KRT12: variants seen among roughly 807,000 people sequenced by gnomAD.
KRT12 encodes keratin 12, also known as keratin, type I cytoskeletal 12.
A neutral mutation model predicts 50.2 loss-of-function variants in KRT12; 43 were observed. The ratio of observed to expected loss-of-function variants is 0.86; its 90% CI spans 0.67 to 1.11. The LOEUF is 1.11. Ranked by LOEUF, KRT12 falls within the 50% of genes least tolerant of loss-of-function variation. The probability of loss-of-function intolerance (pLI) is 0.00; values close to 1 mark genes in which losing one functional copy is unlikely to be tolerated. For missense variants in KRT12, 588 were observed against 625.6 expected (o/e 0.94, Z 0.64); for synonymous variants, 257 against 253.6 (o/e 1.01, Z -0.13).
chr17:40,861,614 A>G lies in KRT12; in HGVS notation c.*47T>C. 8.6e-7 allele frequency: 1 copy of G among 1,162,918 alleles called. No homozygotes were observed. The highest frequency in any genetic ancestry group is 1.3e-6 in the Non-Finnish European group (1 of 768,272). The allele number at this position is 1,162,918 out of a possible 1,614,324, so 72.0% of individuals were successfully genotyped here. A position where few individuals can be genotyped will look rare whatever the true frequency, so the allele number is the denominator to read the frequency against. On this transcript the variant is annotated 3_prime_UTR_variant, in exon 8 of 8. Coordinates refer to ENST00000251643, the MANE Select transcript of KRT12 (RefSeq NM_000223.4). The stretch of plus-strand genomic sequence containing the variant: ...TGAAAGGAATAATTTCTACTTGTAA[A>G]TTTCTTGTTCCTAAGGAACCAATCA...
rs745499269 is a variant in KRT12, at chr17:40,861,775, A to T, written c.1388-17T>A. 1 of 1,510,442 alleles carries T rather than the reference A, an allele frequency of 6.6e-7. No homozygotes were observed. The highest frequency in any genetic ancestry group is 1.1e-5 in the South Asian group (1 of 88,906). The allele number at this position is 1,510,442 out of a possible 1,614,324, so 93.6% of individuals were successfully genotyped here. A position where few individuals can be genotyped will look rare whatever the true frequency, so the allele number is the denominator to read the frequency against. ...TGGTTGGGTCTAAAGATAAAAATGG[A>T]ATAAGGGGGCAAGAGTTAGTGTTTC... On this transcript the variant is annotated splice_polypyrimidine_tract_variant and intron_variant, in intron 7 of 7. Coordinates refer to ENST00000251643, the MANE Select transcript of KRT12 (RefSeq NM_000223.4).
chr17:40,863,987 C>CACACAT lies in KRT12; in HGVS notation c.808-124_808-123insATGTGT. On this transcript the variant is annotated intron_variant, in intron 3 of 7. Coordinates refer to ENST00000251643, the MANE Select transcript of KRT12 (RefSeq NM_000223.4). This position sits in a 1 kb window ranked among gnomAD's most constrained non-coding sequence, Gnocchi z 4.2. ...ACACACACACACACACACACACACA[C>CACACAT]ACACTTAAAAATTCTATCTTATGAC... 1.5e-6 allele frequency: 1 copy of CACACAT among 647,414 alleles called. No individual in the cohort carries two copies. The highest frequency in any genetic ancestry group is 2.6e-6 in the Non-Finnish European group (1 of 385,626). 40.1% of individuals were successfully genotyped at this position (647,414 alleles called of 1,614,324 possible).
chr17:40,863,199 G>T lies in KRT12; in HGVS notation c.1240C>A (p.Arg414=), dbSNP rs1293477110. 2 of 1,614,104 alleles carry T rather than the reference G, an allele frequency of 1.2e-6. No homozygotes were observed. The highest frequency in any genetic ancestry group is 1.1e-5 in the South Asian group (1 of 91,088). The change falls in exon 6 of 8, where the codon CGG becomes AGG. Residue 414 remains arginine, a synonymous_variant. Coordinates refer to ENST00000251643, the MANE Select transcript of KRT12 (RefSeq NM_000223.4). This position sits in a 1 kb window ranked among gnomAD's most constrained non-coding sequence, Gnocchi z 4.2. ...DAERQNVDHQ[R]LLNVKARLEL... The stretch of plus-strand genomic sequence containing the variant: ...AGGCGGGCCTTGACATTCAGCAGCC[G>T]CTGGTGGTCCACGTTCTGGCGCTCT...
rs993959933 is a variant in KRT12 at position 40,861,501 on chromosome 17, A to G, written c.*160T>C. 1 of 640,076 alleles carries G rather than the reference A, an allele frequency of 1.6e-6. No individual in the cohort carries two copies. Among genetic ancestry groups the G allele is most frequent in the East Asian group, 2.7e-5 (1 of 36,438 alleles). 39.6% of individuals were successfully genotyped at this position (640,076 alleles called of 1,614,324 possible). A position where few individuals can be genotyped will look rare whatever the true frequency, so the allele number is the denominator to read the frequency against. The stretch of plus-strand genomic sequence containing the variant: ...GACTTGTGACTGAATATTGTTTCAG[A>G]AGGGCAAAAAGGATTCAATGTGAAT... On this transcript the variant is annotated 3_prime_UTR_variant, in exon 8 of 8. Coordinates refer to ENST00000251643, the MANE Select transcript of KRT12 (RefSeq NM_000223.4).
In KRT12 at chr17:40,863,133, C is replaced by T; in HGVS notation, c.1306G>A (p.Glu436Lys). The T allele has an allele frequency of 1.2e-6, 2 of 1,614,068 alleles. No homozygotes were observed. Among genetic ancestry groups the T allele is most frequent in the Non-Finnish European group, 1.7e-6 (2 of 1,179,936 alleles). The change falls in exon 6 of 8, where the codon GAG (glutamate) becomes AAG (lysine). Residue 436 changes from glutamate (E) to lysine (K), a missense_variant. Glu to Lys is a moderately conservative substitution (Grantham distance 56, BLOSUM62 1). Transcript: ENST00000251643. The surrounding 1 kb of genome is among the most constrained non-coding windows in gnomAD (Gnocchi z 4.2). ...IETYRRLLDGEAQGDGLEESL... is the reference protein window; with the variant it reads ...IETYRRLLDGKAQGDGLEESL... ...CCGTTGTCTGCTCACCCTTGGGCCTCCCCGTCCAGCAGGCGGCGGTAGGTC... is the reference window on the plus strand; with the variant it reads ...CCGTTGTCTGCTCACCCTTGGGCCTTCCCGTCCAGCAGGCGGCGGTAGGTC...
chr17:40,861,756 G>C lies in KRT12; in HGVS notation c.1390C>G (p.Pro464Ala). The C allele has an allele frequency of 1.9e-6, 3 of 1,607,438 alleles. No homozygotes were observed. Among genetic ancestry groups the C allele is most frequent in the Non-Finnish European group, 1.7e-6 (2 of 1,173,982 alleles). ...GTCTTGATTTTTCGGGTTTTGGTTG[G>C]GTCTAAAGATAAAAATGGAATAAGG... ...QAQSTDSSKDPTKTRKIKTVV... is the reference protein window; with the variant it reads ...QAQSTDSSKDATKTRKIKTVV... Residue 464 changes from proline to alanine, a missense_variant and splice_region_variant, in exon 8 of 8, where the codon CCA becomes GCA. Physicochemically the swap from Pro to Ala is conservative, Grantham distance 27 (BLOSUM62 -1). Transcript: ENST00000251643.
intron 3 of KRT12, among the ~76,000 whole-genome samples, 198 bp downstream of exon 3, chr17:40,864,608 C>G (rs1045016518): frequency 2.0e-5 from 3 of 152,030 alleles, no homozygotes; most frequent in Admixed American, 2.0e-4. Context: ...ACCACCATCA[C>G]TACTACCAAC....
Position 40,863,372 on chromosome 17 carries a change from A to G in KRT12, c.1096-29T>C, listed in dbSNP as rs775254209. ...CACGTGGGAGGGAAATGGCATAGAA[A>G]TAACGATGGAGGGGACCGAAAAGAG... On this transcript the variant is annotated intron_variant, in intron 5 of 7. Transcript: ENST00000251643. The surrounding 1 kb of genome is among the most constrained non-coding windows in gnomAD (Gnocchi z 4.2). 7 of 1,613,656 alleles carry G rather than the reference A, an allele frequency of 4.3e-6. No individual in the cohort carries two copies. Among genetic ancestry groups the G allele is most frequent in the Non-Finnish European group, 5.9e-6 (7 of 1,179,676 alleles).
rs141949869 is a variant in KRT12, at chr17:40,867,027, C to G, written c.160G>C (p.Gly54Arg). ...ATGGAAGCAGCAGAAAAGCCTCCCCCACAGCTGGCTCCAAAGCCAAAGGCA... is the reference window on the plus strand; with the variant it reads ...ATGGAAGCAGCAGAAAAGCCTCCCCGACAGCTGGCTCCAAAGCCAAAGGCA... ...GSAFGFGASC[G>R]GGFSAASMFG... The change falls in exon 1 of 8, where the codon GGG becomes CGG. Residue 54 changes from glycine to arginine, a missense_variant. By Grantham distance (125) the Gly-to-Arg change is moderately radical (BLOSUM62 -2). Coordinates refer to ENST00000251643, the MANE Select transcript of KRT12 (RefSeq NM_000223.4). 79 of 1,601,748 alleles carry G rather than the reference C, an allele frequency of 4.9e-5. No individual in the cohort carries two copies. The African/African-American group carries it at 5.0e-4, about 10-fold the overall frequency.
intron 3 of KRT12, 95 bp downstream of exon 3, chr17:40,864,710 CT>C: frequency 7.8e-7 from 1 of 1,281,238 alleles, no homozygotes; most frequent in South Asian, 1.2e-5. Flanking sequence ...ATTCTCCATA[CT>C]TGTCCTGACT....
chr17:40,863,643 C>T lies in KRT12; in HGVS notation c.970-33G>A, dbSNP rs1428442310. On this transcript the variant is annotated intron_variant, in intron 4 of 7. Transcript: ENST00000251643. The surrounding 1 kb of genome is among the most constrained non-coding windows in gnomAD (Gnocchi z 4.2). ...AGCAAAGACAGCCAGGGGGCTCGAG[C>T]GCTGAGCTCGTTCGCAGGCCTTTCT... 6.2e-7 allele frequency: 1 copy of T among 1,614,218 alleles called. No homozygotes were observed. Among genetic ancestry groups the T allele is most frequent in the South Asian group, 1.1e-5 (1 of 91,090 alleles).
rs368164077 is a variant in KRT12, at chr17:40,867,148, G to A, written c.39C>T (p.Arg13=). The A allele has an allele frequency of 7.5e-6, 12 of 1,610,178 alleles. No homozygotes were observed. The highest frequency in any genetic ancestry group is 1.0e-5 in the Non-Finnish European group (12 of 1,180,014). The part of the protein sequence containing the change: ...LSNNTMSLSV[R]TPGLSRRLSS... ...AGAGCCGCCGGGACAGTCCGGGGGT[G>A]CGCACTGAGAGTGACATGGTGTTGT... The change falls in exon 1 of 8, where the codon CGC becomes CGT. Residue 13 remains arginine (R), a synonymous_variant. Coordinates refer to ENST00000251643, the MANE Select transcript of KRT12 (RefSeq NM_000223.4).
rs763574009 is a variant in KRT12 at position 40,864,867 on chromosome 17, A to AT, written c.745_746insA (p.Leu249HisfsTer22). ...GTTCAGGCTCTCGATCTGCATCTCC[A>AT]GGTCGGTCCTGGTCAGGGTCAGCTC... On this transcript the variant is annotated frameshift_variant, in exon 3 of 8. Transcript: ENST00000251643. LOFTEE classifies it high-confidence loss of function. The AT allele has an allele frequency of 6.2e-7, 1 of 1,614,090 alleles. No individual in the cohort carries two copies. The highest frequency in any genetic ancestry group is 1.1e-5 in the South Asian group (1 of 91,078).
In KRT12 at chr17:40,863,633, G is replaced by A. The variant is rs747289568; in HGVS notation, c.970-23C>T. On this transcript the variant is annotated intron_variant, in intron 4 of 7. Transcript: ENST00000251643. This position sits in a 1 kb window ranked among gnomAD's most constrained non-coding sequence, Gnocchi z 4.2. ...GCTCTGCAACAGCAAAGACAGCCAG[G>A]GGGCTCGAGCGCTGAGCTCGTTCGC... The A allele has an allele frequency of 3.1e-6, 5 of 1,614,094 alleles. No individual in the cohort carries two copies. The Admixed American group carries it at 5.0e-5, about 16-fold the overall frequency.
intron 3 of KRT12, among the ~76,000 whole-genome samples, chr17:40,864,148 A>G (rs1439137406): frequency 6.6e-6 from 1 of 152,200 alleles, no homozygotes; most frequent in Non-Finnish European, 1.5e-5. Flanking sequence ...CCCTGGGAGC[A>G]GTGCCTGCTG....
rs762303871 is a variant in KRT12, at chr17:40,863,090, T to A, written c.1316+33A>T. 1.3e-6 allele frequency: 2 copies of A among 1,588,348 alleles called. No individual in the cohort carries two copies. The highest frequency in any genetic ancestry group is 8.6e-7 in the Non-Finnish European group (1 of 1,156,564). On this transcript the variant is annotated intron_variant, in intron 6 of 7. Transcript: ENST00000251643. This position sits in a 1 kb window ranked among gnomAD's most constrained non-coding sequence, Gnocchi z 4.2. ...CTGCTGCCCACTCTTGGTCAGCCCC[T>A]GAAGGTGTTTACAGCCTCCGTTGTC...
Position 40,863,770 on chromosome 17 carries a change from A to T in KRT12, c.902T>A (p.Met301Lys). ...AGCGATGGTTTCATACTGCGCCCGCATATCATTGAGGAGCCTGGTGAGGTC... is the reference window on the plus strand; with the variant it reads ...AGCGATGGTTTCATACTGCGCCCGCTTATCATTGAGGAGCCTGGTGAGGTC... Reference protein sequence around the residue: ...GVDLTRLLNDMRAQYETIAEQ... With the variant: ...GVDLTRLLNDKRAQYETIAEQ... Residue 301 changes from methionine to lysine, a missense_variant, in exon 4 of 8, where the codon ATG becomes AAG. Met to Lys is a moderately conservative substitution (Grantham distance 95, BLOSUM62 -1). Coordinates refer to ENST00000251643, the MANE Select transcript of KRT12 (RefSeq NM_000223.4). This position sits in a 1 kb window ranked among gnomAD's most constrained non-coding sequence, Gnocchi z 4.2. 1.2e-6 allele frequency: 2 copies of T among 1,613,062 alleles called. No homozygotes were observed. The highest frequency in any genetic ancestry group is 1.7e-6 in the Non-Finnish European group (2 of 1,179,998).
intron 2 of KRT12, among the ~76,000 whole-genome samples, chr17:40,865,667 A>G (rs2143266462): frequency 6.6e-6 from 1 of 152,162 alleles, no homozygotes; most frequent in South Asian, 2.1e-4. Flanking sequence ...GTCTCTACTA[A>G]AAATACAATA....
chr17:40,864,825 A>G lies in KRT12; in HGVS notation c.788T>C (p.Met263Thr), dbSNP rs1393814737. The change falls in exon 3 of 8, where the codon ATG becomes ACG. Residue 263 changes from methionine to threonine, a missense_variant. Met to Thr is a moderately conservative substitution (Grantham distance 81). Coordinates refer to ENST00000251643, the MANE Select transcript of KRT12 (RefSeq NM_000223.4). Reference protein sequence around the residue: ...IESLNEELAYMKKNHEDELQS... With the variant: ...IESLNEELAYTKKNHEDELQS... ...ACTCACATCCTCGTGGTTCTTCTTCATGTAGGCCAGCTCCTCGTTCAGGCT... is the reference window on the plus strand; with the variant it reads ...ACTCACATCCTCGTGGTTCTTCTTCGTGTAGGCCAGCTCCTCGTTCAGGCT... The G allele has an allele frequency of 1.9e-6, 3 of 1,613,634 alleles. No homozygotes were observed. Among genetic ancestry groups the G allele is most frequent in the Non-Finnish European group, 1.7e-6 (2 of 1,180,000 alleles).
Sources: gnomAD v4.1 joint callset for allele counts (sites outside exome capture counted in the v4.1 genomes callset) on GRCh38, gnomAD v4.1.1 for gene constraint, Gnocchi (gnomAD v3.1) non-coding constraint, MANE v1.5 for transcripts, NCBI Gene and HGNC (gene_info 2026-07-23, HGNC 2026-07-21) for gene names.